Variants in GDF15 observed in about 807,000 individuals in gnomAD.
GDF15 encodes the protein growth differentiation factor 15, also known as growth/differentiation factor 15.
In GDF15, 10 loss-of-function variants were observed where a neutral mutation model predicts 8.9. The ratio of observed to expected loss-of-function variants is 1.12; its 90% CI spans 0.69 to 1.90. The LOEUF (loss-of-function observed/expected upper bound fraction) is 1.90, where lower values mean the gene tolerates loss of function less well. Among genes scored for constraint, GDF15 ranks in the 40% most tolerant of loss-of-function variants. The pLI is 0.00. For synonymous variants in GDF15, 228 were observed against 210.6 expected, an observed-to-expected ratio of 1.08 and a Z score of -0.72; for missense variants, 452 against 434.2, an observed-to-expected ratio of 1.04 and a Z score of -0.36.
rs774973928 is a variant in GDF15 at position 18,388,445 on chromosome 19, G to T, written c.437G>T (p.Ser146Ile). The T allele has an allele frequency of 2.7e-5, 44 of 1,609,802 alleles. No homozygotes were observed. Among genetic ancestry groups the T allele is most frequent in the Non-Finnish European group, 3.1e-5 (36 of 1,179,318 alleles). Residue 146 changes from serine to isoleucine, a missense_variant, in exon 2 of 2, where the codon AGC (serine) becomes ATC (isoleucine). By Grantham distance (142) the Ser-to-Ile change is moderately radical (BLOSUM62 -2). Coordinates refer to ENST00000252809, the MANE Select transcript of GDF15 (RefSeq NM_004864.4). The surrounding 1 kb of genome is among the most constrained non-coding windows in gnomAD (Gnocchi z 4.2). ...DVTRPLRRQLSLARPQAPALH... is the reference protein window; with the variant it reads ...DVTRPLRRQLILARPQAPALH... The stretch of plus-strand genomic sequence containing the variant: ...ACACGACCGCTGCGGCGTCAGCTCA[G>T]CCTTGCAAGACCCCAGGCGCCCGCG...
At chr19:18,387,292 G>A (rs1971842785) in intron 1 of GDF15, among the ~76,000 whole-genome samples, 1 of 152,166 alleles carries the variant, frequency 6.6e-6, no homozygotes, top group Admixed American at 6.5e-5. Context: ...ACTTTAGGAG[G>A]CCAAGGTGGG....
chr19:18,387,844 G>A (rs1446748157), intron 1 of GDF15, among the ~76,000 whole-genome samples: 3 of 67,052 alleles, frequency 4.5e-5, no homozygotes, highest in African/African-American at 1.6e-4. Flanking sequence ...TTTTTTGAGA[G>A]GGAGTCTTCC....
At chr19:18,387,778 T>C (rs1971847456) in intron 1 of GDF15, among the ~76,000 whole-genome samples, 1 of 147,356 alleles carries the variant, frequency 6.8e-6, no homozygotes, top group African/African-American at 2.5e-5. Context: ...GAGCCAGCCA[T>C]ACTGAGATTC....
intron 1 of GDF15, among the ~76,000 whole-genome samples, chr19:18,387,813 C>CTTTTTTTTTGTTTTTTT (rs1971848132): frequency 1.4e-5 from 1 of 70,354 alleles, no homozygotes; most frequent in Non-Finnish European, 2.4e-5. Flanking sequence ...GAGAAATGCC[C>CTTTTTTTTTGTTTTTTT]TTTTTTTTTT....
chr19:18,388,365 C>G lies in GDF15; in HGVS notation c.357C>G (p.Arg119=). The change falls in exon 2 of 2, where the codon CGC becomes CGG. Residue 119 remains arginine, a synonymous_variant. Transcript: ENST00000252809. The surrounding 1 kb of genome is among the most constrained non-coding windows in gnomAD (Gnocchi z 4.2). ...CCGAGGGGCTCCCCGAGGCCTCCCG[C>G]CTTCACCGGGCTCTGTTCCGGCTGT... ...ALPEGLPEAS[R]LHRALFRLSP... 1 of 1,611,874 alleles carries G rather than the reference C, an allele frequency of 6.2e-7. No homozygotes were observed.
rs1398024462 is a variant in GDF15 at position 18,388,899 on chromosome 19, T to C, written c.891T>C (p.Tyr297=). The change falls in exon 2 of 2, where the codon TAT becomes TAC. Residue 297 remains tyrosine (Y), a synonymous_variant. Transcript: ENST00000252809. The surrounding 1 kb of genome is among the most constrained non-coding windows in gnomAD (Gnocchi z 4.2). ...KTDTGVSLQT[Y]DDLLAKDCHC... Reference sequence around the variant, plus strand: ...ACACCGGGGTGTCGCTCCAGACCTATGATGACTTGTTAGCCAAAGACTGCC... The same window carrying C: ...ACACCGGGGTGTCGCTCCAGACCTACGATGACTTGTTAGCCAAAGACTGCC... The C allele has an allele frequency of 6.2e-7, 1 of 1,610,374 alleles. No individual in the cohort carries two copies. Among genetic ancestry groups the C allele is most frequent in the African/African-American group, 1.3e-5 (1 of 74,896 alleles).
chr19:18,388,674 C>G lies in GDF15; in HGVS notation c.666C>G (p.Asp222Glu), dbSNP rs755708694. Reference protein sequence around the residue: ...RLHTVRASLEDLGWADWVLSP... With the variant: ...RLHTVRASLEELGWADWVLSP... ...ACACGGTCCGCGCGTCGCTGGAAGACCTGGGCTGGGCCGATTGGGTGCTGT... is the reference window on the plus strand; with the variant it reads ...ACACGGTCCGCGCGTCGCTGGAAGAGCTGGGCTGGGCCGATTGGGTGCTGT... The change falls in exon 2 of 2, where the codon GAC becomes GAG. Residue 222 changes from aspartate to glutamate, a missense_variant. Physicochemically the swap from Asp to Glu is conservative, Grantham distance 45 (BLOSUM62 2). Transcript: ENST00000252809. The surrounding 1 kb of genome is among the most constrained non-coding windows in gnomAD (Gnocchi z 4.2). The G allele has an allele frequency of 1.2e-6, 2 of 1,605,252 alleles. No homozygotes were observed. The highest frequency in any genetic ancestry group is 2.2e-5 in the South Asian group (2 of 90,854).
At position 18,387,813 on chromosome 19, in the gene GDF15, C is replaced by CTTTTTTTTTTTT. The variant is rs538473844; in HGVS notation, c.278-458_278-447dup. ...CAGGAGATTCAAGGGGAGAAATGCC[C>CTTTTTTTTTTTT]TTTTTTTTTTTTTTTTTTTTTTTTT... On this transcript the variant is annotated intron_variant, in intron 1 of 1. Coordinates refer to ENST00000252809, the MANE Select transcript of GDF15 (RefSeq NM_004864.4). 1.7e-3 allele frequency among the ~76,000 whole-genome samples: 119 copies of CTTTTTTTTTTTT among 70,328 alleles called. 18 individuals carry two copies. The highest frequency in any genetic ancestry group is 3.0e-3 in the African/African-American group (37 of 12,386). The allele number at this position is 70,328 out of a possible 152,430, so 46.1% of individuals were successfully genotyped here. A position where few individuals can be genotyped will look rare whatever the true frequency, so the allele number is the denominator to read the frequency against.
Position 18,389,029 on chromosome 19 carries a change from A to G in GDF15, c.*94A>G. The G allele has an allele frequency of 2.6e-6, 2 of 774,332 alleles. No homozygotes were observed. Among genetic ancestry groups the G allele is most frequent in the Non-Finnish European group, 4.1e-6 (2 of 483,296 alleles). 48.0% of individuals were successfully genotyped at this position (774,332 alleles called of 1,614,324 possible). A position where few individuals can be genotyped will look rare whatever the true frequency, so the allele number is the denominator to read the frequency against. Reference sequence around the variant, plus strand: ...GGGCTCAAGGTTCCTGAGACACCCGATTCCTGCCCAAACAGCTGTATTTAT... The same window carrying G: ...GGGCTCAAGGTTCCTGAGACACCCGGTTCCTGCCCAAACAGCTGTATTTAT... On this transcript the variant is annotated 3_prime_UTR_variant, in exon 2 of 2. Coordinates refer to ENST00000252809, the MANE Select transcript of GDF15 (RefSeq NM_004864.4).
Position 18,388,563 on chromosome 19 carries a change from G to T in GDF15, c.555G>T (p.Arg185=), listed in dbSNP as rs777237692. The T allele has an allele frequency of 6.3e-7, 1 of 1,596,986 alleles. No individual in the cohort carries two copies. The highest frequency in any genetic ancestry group is 1.1e-5 in the South Asian group (1 of 90,242). ...SARPQLELHL[R]PQAARGRRRA... ...GGCCCCAGCTGGAGTTGCACTTGCG[G>T]CCGCAAGCCGCCAGGGGGCGCCGCA... Residue 185 remains arginine, a synonymous_variant, in exon 2 of 2, where the codon CGG becomes CGT. Transcript: ENST00000252809. This position sits in a 1 kb window ranked among gnomAD's most constrained non-coding sequence, Gnocchi z 4.2.
rs1053928509 is a variant in GDF15 at position 18,388,586 on chromosome 19, G to A, written c.578G>A (p.Arg193His). The change falls in exon 2 of 2, where the codon CGC becomes CAC. Residue 193 changes from arginine (R) to histidine (H), a missense_variant. Physicochemically the swap from Arg to His is conservative, Grantham distance 29 (BLOSUM62 0). Coordinates refer to ENST00000252809, the MANE Select transcript of GDF15 (RefSeq NM_004864.4). The surrounding 1 kb of genome is among the most constrained non-coding windows in gnomAD (Gnocchi z 4.2). Reference sequence around the variant, plus strand: ...CGGCCGCAAGCCGCCAGGGGGCGCCGCAGAGCGCGTGCGCGCAACGGGGAC... The same window carrying A: ...CGGCCGCAAGCCGCCAGGGGGCGCCACAGAGCGCGTGCGCGCAACGGGGAC... ...HLRPQAARGR[R>H]RARARNGDHC... The A allele has an allele frequency of 6.2e-7, 1 of 1,600,350 alleles. No homozygotes were observed. The highest frequency in any genetic ancestry group is 8.5e-7 in the Non-Finnish European group (1 of 1,176,876).
Position 18,388,765 on chromosome 19 carries a change from A to C in GDF15, c.757A>C (p.Met253Leu), listed in dbSNP as rs755582196. 1 of 1,610,042 alleles carries C rather than the reference A, an allele frequency of 6.2e-7. No individual in the cohort carries two copies. Among genetic ancestry groups the C allele is most frequent in the South Asian group, 1.1e-5 (1 of 91,030 alleles). ...CCCGAGCCAGTTCCGGGCGGCAAAC[A>C]TGCACGCGCAGATCAAGACGAGCCT... ...ACPSQFRAAN[M>L]HAQIKTSLHR... The change falls in exon 2 of 2, where the codon ATG becomes CTG. Residue 253 changes from methionine (M) to leucine (L), a missense_variant. Physicochemically the swap from Met to Leu is conservative, Grantham distance 15. Coordinates refer to ENST00000252809, the MANE Select transcript of GDF15 (RefSeq NM_004864.4). The surrounding 1 kb of genome is among the most constrained non-coding windows in gnomAD (Gnocchi z 4.2).
chr19:18,388,565 C>T lies in GDF15; in HGVS notation c.557C>T (p.Pro186Leu), dbSNP rs770559920. ...ARPQLELHLR[P>L]QAARGRRRAR... is the part of the protein sequence containing the mutation. ...CCCCAGCTGGAGTTGCACTTGCGGCCGCAAGCCGCCAGGGGGCGCCGCAGA... is the reference window on the plus strand; with the variant it reads ...CCCCAGCTGGAGTTGCACTTGCGGCTGCAAGCCGCCAGGGGGCGCCGCAGA... The change falls in exon 2 of 2, where the codon CCG (proline) becomes CTG (leucine). Residue 186 changes from proline to leucine, a missense_variant. Transcript: ENST00000252809. This position sits in a 1 kb window ranked among gnomAD's most constrained non-coding sequence, Gnocchi z 4.2. 2.5e-6 allele frequency: 4 copies of T among 1,597,622 alleles called. No individual in the cohort carries two copies. Among genetic ancestry groups the T allele is most frequent in the Non-Finnish European group, 3.4e-6 (4 of 1,175,464 alleles).
chr19:18,387,652 A>G (rs1288434325), intron 1 of GDF15, among the ~76,000 whole-genome samples: 4 of 152,042 alleles, frequency 2.6e-5, no homozygotes, highest in East Asian at 3.9e-4. Flanking sequence ...CTAAGCACCT[A>G]TTGTGTGCCA....
Position 18,388,931 on chromosome 19 carries a change from T to G in GDF15, c.923T>G (p.Ile308Arg). The change falls in exon 2 of 2, where the codon ATA (isoleucine) becomes AGA (arginine). Residue 308 changes from isoleucine (I) to arginine (R), a missense_variant. Transcript: ENST00000252809. The surrounding 1 kb of genome is among the most constrained non-coding windows in gnomAD (Gnocchi z 4.2). ...DDLLAKDCHC[I>R] ...TTGTTAGCCAAAGACTGCCACTGCA[T>G]ATGAGCAGTCCTGGTCCTTCCACTG... 6.2e-7 allele frequency: 1 copy of G among 1,600,660 alleles called. No homozygotes were observed. Among genetic ancestry groups the G allele is most frequent in the South Asian group, 1.1e-5 (1 of 90,418 alleles).
Position 18,388,538 on chromosome 19 carries a change from G to T in GDF15, c.530G>T (p.Arg177Leu). ...CTGCTGGCAGAATCTTCGTCCGCACGGCCCCAGCTGGAGTTGCACTTGCGG... is the reference window on the plus strand; with the variant it reads ...CTGCTGGCAGAATCTTCGTCCGCACTGCCCCAGCTGGAGTTGCACTTGCGG... ...DQLLAESSSA[R>L]PQLELHLRPQ... The change falls in exon 2 of 2, where the codon CGG (arginine) becomes CTG (leucine). Residue 177 changes from arginine (R) to leucine (L), a missense_variant. Physicochemically the swap from Arg to Leu is moderately radical, Grantham distance 102. Transcript: ENST00000252809. The surrounding 1 kb of genome is among the most constrained non-coding windows in gnomAD (Gnocchi z 4.2). 1.3e-6 allele frequency: 2 copies of T among 1,596,608 alleles called. No individual in the cohort carries two copies. The highest frequency in any genetic ancestry group is 2.2e-5 in the South Asian group (2 of 89,952).
Position 18,386,376 on chromosome 19 carries a change from C to G in GDF15, c.187C>G (p.Leu63Val), listed in dbSNP as rs745931308. The G allele has an allele frequency of 6.2e-7, 1 of 1,614,070 alleles. No individual in the cohort carries two copies. Among genetic ancestry groups the G allele is most frequent in the Non-Finnish European group, 8.5e-7 (1 of 1,180,014 alleles). The change falls in exon 1 of 2, where the codon CTG becomes GTG. Residue 63 changes from leucine to valine, a missense_variant. By Grantham distance (32) the Leu-to-Val change is conservative (BLOSUM62 1). Coordinates refer to ENST00000252809, the MANE Select transcript of GDF15 (RefSeq NM_004864.4). ...AGAGTTGCGGAAACGCTACGAGGAC[C>G]TGCTAACCAGGCTGCGGGCCAACCA... The part of the protein sequence containing the change: ...FRELRKRYED[L>V]LTRLRANQSW...
Position 18,386,321 on chromosome 19 carries a change from A to G in GDF15, c.132A>G (p.Ser44=), listed in dbSNP as rs199595024. The G allele has an allele frequency of 1.9e-6, 3 of 1,614,024 alleles. No individual in the cohort carries two copies. Among genetic ancestry groups the G allele is most frequent in the Non-Finnish European group, 2.5e-6 (3 of 1,180,036 alleles). The change falls in exon 1 of 2, where the codon TCA becomes TCG. Residue 44 remains serine, a synonymous_variant. Coordinates refer to ENST00000252809, the MANE Select transcript of GDF15 (RefSeq NM_004864.4). ...GCCGCGCAAGTTTCCCGGGACCCTC[A>G]GAGTTGCACTCCGAAGACTCCAGAT... The part of the protein sequence containing the change: ...EASRASFPGP[S]ELHSEDSRFR...
chr19:18,386,499 C>A, intron 1 of GDF15, 33 bp downstream of exon 1: 2 of 1,565,360 alleles, frequency 1.3e-6, no homozygotes, highest in Non-Finnish European at 1.8e-6. Context: ...CCTCCCACCC[C>A]CCAAGCAGCC....
Sources: gnomAD v4.1 joint callset for allele counts (sites outside exome capture counted in the v4.1 genomes callset) on GRCh38, gnomAD v4.1.1 for gene constraint, Gnocchi (gnomAD v3.1) non-coding constraint, MANE v1.5 for transcripts, NCBI Gene and HGNC (gene_info 2026-07-23, HGNC 2026-07-21) for gene names.